Variants in RIT2 observed in about 807,000 individuals in gnomAD.
RIT2 encodes the protein Ras like without CAAX 2, also known as GTP-binding protein Rit2.
Under a neutral mutation model 23.7 loss-of-function variants are expected in RIT2, and 24 were observed. The observed-to-expected ratio is 1.01, with a 90% CI of 0.73 to 1.43. The LOEUF is 1.43. Ranked by LOEUF, RIT2 falls within the 40% of genes most tolerant of loss-of-function variation. RIT2 has a pLI of 0.00. For synonymous variants in RIT2, 107 were observed against 91.1 expected, an observed-to-expected ratio of 1.17 and a Z score of -0.99; for missense variants, 236 against 266.9, an observed-to-expected ratio of 0.88 and a Z score of 0.81.
chr18:42,954,637 A>C (rs1253675477), intron 3 of RIT2, among the ~76,000 whole-genome samples: 2 of 151,766 alleles, frequency 1.3e-5, no homozygotes, highest in Admixed American at 1.3e-4. Flanking sequence ...CTTGAAGCTG[A>C]AAGTGTTTTG....
At chr18:43,086,375 T>A (rs960585423) in intron 1 of RIT2, among the ~76,000 whole-genome samples, 1 of 152,166 alleles carries the variant, frequency 6.6e-6, no homozygotes, top group Non-Finnish European at 1.5e-5. Flanking sequence ...GGGAAATAGA[T>A]GAATTCCTAG....
chr18:43,045,007 G>A (rs1421190163), intron 1 of RIT2, among the ~76,000 whole-genome samples: 1 of 152,130 alleles, frequency 6.6e-6, no homozygotes, highest in Non-Finnish European at 1.5e-5. Context: ...TTTATTTGCT[G>A]TATGCTGACA....
intron 3 of RIT2, among the ~76,000 whole-genome samples, chr18:42,940,236 CTATATATATATATA>C (rs5824460): frequency 5.9e-4 from 51 of 86,964 alleles, no homozygotes; most frequent in African/African-American, 1.3e-3. Flanking sequence ...GAAAGGCTCA[CTATATATATATATA>C]TATATATATA....
chr18:42,771,405 A>G (rs1321592691), intron 4 of RIT2, among the ~76,000 whole-genome samples: 2 of 152,214 alleles, frequency 1.3e-5, no homozygotes, highest in Admixed American at 1.3e-4. Flanking sequence ...GGAAGTATAC[A>G]GTAATAGTTA....
intron 4 of RIT2, among the ~76,000 whole-genome samples, chr18:42,809,538 C>T (rs1175072685): frequency 6.6e-6 from 1 of 151,984 alleles, no homozygotes; most frequent in Admixed American, 6.6e-5. Flanking sequence ...CCTTTCCCAT[C>T]TCACCTGTAT....
chr18:42,834,997 T>G (rs1906557417), intron 4 of RIT2, among the ~76,000 whole-genome samples: 1 of 152,112 alleles, frequency 6.6e-6, no homozygotes, highest in Non-Finnish European at 1.5e-5. Flanking sequence ...CCTCAAACTG[T>G]CCTCACATTA....
At chr18:42,899,149 T>C (rs1474341532) in intron 4 of RIT2, among the ~76,000 whole-genome samples, 1 of 151,938 alleles carries the variant, frequency 6.6e-6, no homozygotes, top group Admixed American at 6.6e-5. Flanking sequence ...AAGTAATTAC[T>C]TTACAGTTTC....
At chr18:42,799,291 C>G (rs777827616) in intron 4 of RIT2, among the ~76,000 whole-genome samples, 1 of 152,182 alleles carries the variant, frequency 6.6e-6, no homozygotes, top group Non-Finnish European at 1.5e-5. Context: ...TAGAAAATTT[C>G]TTGGAATGGG....
chr18:42,997,108 G>T (rs899204288), intron 2 of RIT2, among the ~76,000 whole-genome samples: 7 of 152,066 alleles, frequency 4.6e-5, no homozygotes, highest in Admixed American at 3.3e-4. Flanking sequence ...AAAAGACAAG[G>T]ACACATAGCT....
chr18:43,055,213 T>C lies in RIT2; in HGVS notation c.104-21346A>G, dbSNP rs1322563496. 7.9e-5 allele frequency among the ~76,000 whole-genome samples: 12 copies of C among 152,240 alleles called. No individual in the cohort carries two copies. The East Asian group carries it at 1.2e-3, about 15-fold the overall frequency. On this transcript the variant is annotated intron_variant, in intron 1 of 4. Coordinates refer to ENST00000326695, the MANE Select transcript of RIT2 (RefSeq NM_002930.4). ...TCAGTTATGTATTTAAATAACAATCTCAAAAAATTGAGAACTAGCCATATT... is the reference window on the plus strand; with the variant it reads ...TCAGTTATGTATTTAAATAACAATCCCAAAAAATTGAGAACTAGCCATATT...
At position 43,115,673 on chromosome 18, in the gene RIT2, G is replaced by C. The variant is rs1215184608; in HGVS notation, c.-154C>G. 9.1e-7 allele frequency: 1 copy of C among 1,101,198 alleles called. No individual in the cohort carries two copies. The highest frequency in any genetic ancestry group is 1.2e-6 in the Non-Finnish European group (1 of 815,212). 68.2% of individuals were successfully genotyped at this position (1,101,198 alleles called of 1,614,324 possible). A position where few individuals can be genotyped will look rare whatever the true frequency, so the allele number is the denominator to read the frequency against. On this transcript the variant is annotated 5_prime_UTR_variant, in exon 1 of 5. Coordinates refer to ENST00000326695, the MANE Select transcript of RIT2 (RefSeq NM_002930.4). Reference sequence around the variant, plus strand: ...CGGGCTGGCTGCTGGTCCTCCGCTCGAGCGGGTCTCATAGCAACCACTTCA... The same window carrying C: ...CGGGCTGGCTGCTGGTCCTCCGCTCCAGCGGGTCTCATAGCAACCACTTCA...
At chr18:42,809,319 A>AT (rs1461956939) in intron 4 of RIT2, among the ~76,000 whole-genome samples, 1 of 152,090 alleles carries the variant, frequency 6.6e-6, no homozygotes, top group Admixed American at 6.6e-5. Context: ...AAGCTTCCTA[A>AT]ATCCCAGTAT....
chr18:43,097,314 T>C (rs1374513037), intron 1 of RIT2, among the ~76,000 whole-genome samples: 1 of 151,840 alleles, frequency 6.6e-6, no homozygotes, highest in Non-Finnish European at 1.5e-5. Flanking sequence ...AAAACTTAAC[T>C]TATAGAGTTT....
chr18:43,037,926 C>T (rs543013479), intron 1 of RIT2, among the ~76,000 whole-genome samples: 23 of 152,110 alleles, frequency 1.5e-4, no homozygotes, highest in Admixed American at 4.6e-4. Flanking sequence ...AGTTTCAGGC[C>T]GGACGCCGTG....
At chr18:42,843,601 A>C (rs931954693) in intron 4 of RIT2, among the ~76,000 whole-genome samples, 2 of 152,236 alleles carry the variant, frequency 1.3e-5, no homozygotes, top group Non-Finnish European at 2.9e-5. Flanking sequence ...GATTCAAAGC[A>C]TAAGTCTGTT....
intron 4 of RIT2, among the ~76,000 whole-genome samples, chr18:42,908,803 G>C (rs1908691351): frequency 6.6e-6 from 1 of 152,118 alleles, no homozygotes. Flanking sequence ...GTATACATAG[G>C]TAAGTTGGTG....
At chr18:42,932,783 G>A (rs1020333636) in intron 3 of RIT2, among the ~76,000 whole-genome samples, 1 of 151,930 alleles carries the variant, frequency 6.6e-6, no homozygotes, top group Non-Finnish European at 1.5e-5. Context: ...TACATCACAT[G>A]GGTAGCTTTC....
chr18:42,877,071 C>T (rs978720512), intron 4 of RIT2, among the ~76,000 whole-genome samples: 1 of 151,724 alleles, frequency 6.6e-6, no homozygotes, highest in Non-Finnish European at 1.5e-5. Flanking sequence ...CTTTACCTTC[C>T]ACTACCCTTG....
chr18:42,976,471 G>A (rs756888506), intron 2 of RIT2, among the ~76,000 whole-genome samples: 7 of 152,160 alleles, frequency 4.6e-5, no homozygotes, highest in Non-Finnish European at 7.4e-5. Flanking sequence ...CTGCCTGGGT[G>A]TAAACCCTGG....
Sources: allele counts gnomAD v4.1 joint callset (sites outside exome capture counted in the v4.1 genomes callset), GRCh38; gene constraint gnomAD v4.1.1; transcripts MANE v1.5; gene names NCBI Gene and HGNC (gene_info 2026-07-23, HGNC 2026-07-21).